Variants in CDH4 observed in about 807,000 individuals in gnomAD.
The protein encoded by CDH4 is cadherin 4, also known as cadherin-4.
CDH4 carries 33 observed loss-of-function variants against 86.0 expected under a neutral mutation model. The observed-to-expected ratio is 0.38, with a 90% CI of 0.29 to 0.51. CDH4 has a LOEUF of 0.51. Among genes scored for constraint, CDH4 ranks in the 20% least tolerant of loss-of-function variants. The probability of loss-of-function intolerance (pLI) is 0.86; values close to 1 mark genes in which losing one functional copy is unlikely to be tolerated. For missense variants in CDH4, 1,114 were observed against 1,307.4 expected (o/e 0.85, Z 2.28); for synonymous variants, 555 against 549.4 (o/e 1.01, Z -0.14).
intron 2 of CDH4, among the ~76,000 whole-genome samples, chr20:61,301,704 A>G (rs1024474420): frequency 6.6e-6 from 1 of 152,222 alleles, no homozygotes; most frequent in Non-Finnish European, 1.5e-5. Flanking sequence ...TACACATCAA[A>G]ATATTTCAGG....
chr20:61,490,751 C>CG (rs1568863196), intron 2 of CDH4, among the ~76,000 whole-genome samples: 1 of 151,892 alleles, frequency 6.6e-6, no homozygotes, highest in Non-Finnish European at 1.5e-5. Context: ...GTCGGAGTGA[C>CG]GGGGGGCACT....
intron 2 of CDH4, among the ~76,000 whole-genome samples, chr20:61,614,046 G>A (rs762726581): frequency 6.6e-6 from 1 of 152,134 alleles, no homozygotes. Flanking sequence ...AGGGACGGAC[G>A]TGTGGTGGAA....
In CDH4 at chr20:61,791,104, C is replaced by T. The variant is rs530262860; in HGVS notation, c.576+17922C>T. ...AAGGCCTTTCAAGTAAACGAAAAAC[C>T]GAACAGGCAAAAAAATTGCGTCATG... On this transcript the variant is annotated intron_variant, in intron 4 of 15. Coordinates refer to ENST00000614565, the MANE Select transcript of CDH4 (RefSeq NM_001794.5). Among the ~76,000 whole-genome samples the T allele has an allele frequency of 1.8e-4, 28 of 152,328 alleles. 1 individual carries two copies. The highest frequency in any genetic ancestry group is 4.1e-4 in the South Asian group (2 of 4,822).
rs966795912 is a variant in CDH4, at chr20:61,501,583, G to A, written c.170-241980G>A. Among the ~76,000 whole-genome samples the A allele has an allele frequency of 6.6e-5, 10 of 152,252 alleles. No individual in the cohort carries two copies. Among genetic ancestry groups the A allele is most frequent in the African/African-American group, 2.2e-4 (9 of 41,546 alleles). Reference sequence around the variant, plus strand: ...AGAACCTTTGGGCCTGCATCTCTGCGGCCCGGAGACGCTGACTCCAGTTGC... The same window carrying A: ...AGAACCTTTGGGCCTGCATCTCTGCAGCCCGGAGACGCTGACTCCAGTTGC... On this transcript the variant is annotated intron_variant, in intron 2 of 15. Coordinates refer to ENST00000614565, the MANE Select transcript of CDH4 (RefSeq NM_001794.5). This position sits in a 1 kb window ranked among gnomAD's most constrained non-coding sequence, Gnocchi z 4.2.
intron 2 of CDH4, among the ~76,000 whole-genome samples, chr20:61,690,062 G>A (rs1238349543): frequency 6.8e-5 from 10 of 147,760 alleles, no homozygotes; most frequent in African/African-American, 1.5e-4. Context: ...CGGCAGGGAC[G>A]GTGAGTTGGT....
intron 2 of CDH4, among the ~76,000 whole-genome samples, chr20:61,733,667 C>A (rs2088223963): frequency 2.0e-5 from 3 of 148,558 alleles, no homozygotes; most frequent in South Asian, 4.3e-4. Flanking sequence ...GAAGGAAGGA[C>A]ACAGAGAAAG....
At chr20:61,895,875 A>C (rs759968806) in intron 8 of CDH4, among the ~76,000 whole-genome samples, 9 of 152,214 alleles carry the variant, frequency 5.9e-5, no homozygotes, top group Non-Finnish European at 1.0e-4. Flanking sequence ...CCCGTGTGGC[A>C]GTGCTGACAT....
At chr20:61,295,857 G>A (rs901508510) in intron 2 of CDH4, among the ~76,000 whole-genome samples, 32 of 152,310 alleles carry the variant, frequency 2.1e-4, no homozygotes, top group Admixed American at 4.6e-4. Context: ...TGGGGTCCCC[G>A]GCCGGCCGGA....
Position 61,542,504 on chromosome 20 carries a change from G to C in CDH4, c.170-201059G>C, listed in dbSNP as rs2086047700. Among the ~76,000 whole-genome samples, 3 of 152,194 alleles carry C rather than the reference G, an allele frequency of 2.0e-5. No homozygotes were observed. The East Asian group carries it at 5.8e-4, about 29-fold the overall frequency. ...ATGGGTACAACTCTTCACAGATGCA[G>C]TCTCAGTTATGAGGCTTTGAAATCC... On this transcript the variant is annotated intron_variant, in intron 2 of 15. Transcript: ENST00000614565.
In CDH4 at chr20:61,934,192, C is replaced by A; in HGVS notation, c.2516C>A (p.Pro839Gln). The A allele has an allele frequency of 6.3e-7, 1 of 1,577,426 alleles. No homozygotes were observed. The highest frequency in any genetic ancestry group is 8.6e-7 in the Non-Finnish European group (1 of 1,157,024). ...QYPIRPMVPH[P>Q]GDIGDFINEG... is the part of the protein sequence containing the mutation. ...CCGATCAGGCCCATGGTGCCGCACC[C>A]AGGCGACATCGGTGACTTCATCAAT... Residue 839 changes from proline to glutamine, a missense_variant, in exon 15 of 16, where the codon CCA (proline) becomes CAA (glutamine). Coordinates refer to ENST00000614565, the MANE Select transcript of CDH4 (RefSeq NM_001794.5).
chr20:61,660,220 C>T (rs897936891), intron 2 of CDH4, among the ~76,000 whole-genome samples: 11 of 152,216 alleles, frequency 7.2e-5, no homozygotes, highest in Admixed American at 2.0e-4. Flanking sequence ...GGCCGCCCCT[C>T]CCCGTCTTTC....
chr20:61,815,996 G>C (rs1203561705), intron 4 of CDH4, among the ~76,000 whole-genome samples: 1 of 152,210 alleles, frequency 6.6e-6, no homozygotes, highest in Non-Finnish European at 1.5e-5. Context: ...GCACCAAGGA[G>C]CTTAAAGTCG....
chr20:61,590,883 G>GGC (rs1568701010), intron 2 of CDH4, among the ~76,000 whole-genome samples: 5 of 152,092 alleles, frequency 3.3e-5, no homozygotes, highest in Non-Finnish European at 7.4e-5. Context: ...CTATGGGGGG[G>GGC]GGGGTCCCCG....
At chr20:61,713,047 C>G (rs1406960091) in intron 2 of CDH4, among the ~76,000 whole-genome samples, 1 of 152,196 alleles carries the variant, frequency 6.6e-6, no homozygotes, top group Non-Finnish European at 1.5e-5. Context: ...GTCAAGTGTC[C>G]ACTGTCGTTC....
intron 2 of CDH4, among the ~76,000 whole-genome samples, chr20:61,461,155 A>T (rs940029852): frequency 1.3e-5 from 2 of 152,180 alleles, no homozygotes; most frequent in African/African-American, 4.8e-5. Flanking sequence ...TACACAAATT[A>T]TTTTAAAGAG....
At chr20:61,513,527 C>T (rs534300349) in intron 2 of CDH4, among the ~76,000 whole-genome samples, 74 of 152,282 alleles carry the variant, frequency 4.9e-4, no homozygotes, top group South Asian at 1.0e-3. Flanking sequence ...GCCGCCATGG[C>T]GCACGGCTGT....
intron 2 of CDH4, among the ~76,000 whole-genome samples, chr20:61,509,038 G>A (rs909371471): frequency 3.3e-5 from 5 of 152,152 alleles, no homozygotes; most frequent in East Asian, 1.9e-4. Flanking sequence ...GTTCTAAGCC[G>A]GTCTTTGGAG....
chr20:61,934,982 CCCGTCTT>C (rs1479165550), intron 15 of CDH4, among the ~76,000 whole-genome samples: 1 of 152,276 alleles, frequency 6.6e-6, no homozygotes, highest in Admixed American at 6.5e-5. Context: ...TGTCTTCGTT[CCCGTCTT>C]CCATCTTCCT....
At chr20:61,455,546 G>A (rs967778553) in intron 2 of CDH4, among the ~76,000 whole-genome samples, 2 of 152,238 alleles carry the variant, frequency 1.3e-5, no homozygotes, top group African/African-American at 4.8e-5. Context: ...ATGTTTATAT[G>A]TAAAACAAAA....
Sources: gnomAD v4.1 joint callset for allele counts (sites outside exome capture counted in the v4.1 genomes callset) on GRCh38, gnomAD v4.1.1 for gene constraint, Gnocchi (gnomAD v3.1) non-coding constraint, MANE v1.5 for transcripts, NCBI Gene and HGNC (gene_info 2026-07-23, HGNC 2026-07-21) for gene names.